The following KCNIP3 variants were observed in gnomAD, a reference collection of about 807,000 sequenced individuals.
KCNIP3 encodes calsenilin.
KCNIP3 carries 28 observed loss-of-function variants against 35.0 expected under a neutral mutation model. The ratio of observed to expected loss-of-function variants is 0.80; its 90% CI spans 0.59 to 1.10. The LOEUF is 1.10. Among genes scored for constraint, KCNIP3 ranks in the 50% least tolerant of loss-of-function variants. KCNIP3 has a pLI of 0.00. For synonymous variants in KCNIP3, 134 were observed against 133.8 expected (o/e 1.00, Z -0.01); for missense variants, 295 against 338.4 (o/e 0.87, Z 1.01).
intron 5 of KCNIP3, among the ~76,000 whole-genome samples, chr2:95,380,646 T>G (rs1184481897): frequency 6.6e-6 from 1 of 152,234 alleles, no homozygotes; most frequent in African/African-American, 2.4e-5. Context: ...AGCCATATTC[T>G]GTCATATTAG....
intron 2 of KCNIP3, chr2:95,312,776 C>T (rs977633833): frequency 6.6e-6 from 1 of 152,210 alleles, no homozygotes; most frequent in Non-Finnish European, 1.5e-5. Context: ...ACGGTGCCCA[C>T]CCTGACGAGC....
chr2:95,310,243 C>T (rs556607898), intron 1 of KCNIP3, 112 bp from the exon 2 acceptor site: 13 of 1,271,682 alleles, frequency 1.0e-5, no homozygotes, highest in Middle Eastern at 1.8e-4. Context: ...GAAGGTGAGC[C>T]CTCTGTTGTG....
In KCNIP3 at chr2:95,376,337, G is replaced by C. The variant is rs535353288; in HGVS notation, c.447+1129G>C. 4.9e-4 allele frequency among the ~76,000 whole-genome samples: 74 copies of C among 152,320 alleles called. 1 individual carries two copies. Among genetic ancestry groups the C allele is most frequent in the African/African-American group, 1.7e-3 (70 of 41,578 alleles). Reference sequence around the variant, plus strand: ...GTGTAAGGGAGCAGGCGGGGTGCGAGTGGTTTTTCTTGTTCAGGAATGAGA... The same window carrying C: ...GTGTAAGGGAGCAGGCGGGGTGCGACTGGTTTTTCTTGTTCAGGAATGAGA... On this transcript the variant is annotated intron_variant, in intron 5 of 8. Transcript: ENST00000295225. This position sits in a 1 kb window ranked among gnomAD's most constrained non-coding sequence, Gnocchi z 4.2.
At chr2:95,317,066 G>A (rs1678475462) in intron 2 of KCNIP3, among the ~76,000 whole-genome samples, 1 of 152,232 alleles carries the variant, frequency 6.6e-6, no homozygotes. Context: ...GCACAGCAGG[G>A]CTGAGGGATG....
intron 2 of KCNIP3, among the ~76,000 whole-genome samples, chr2:95,363,298 A>G (rs1185587518): frequency 6.6e-6 from 1 of 152,158 alleles, no homozygotes. Context: ...TGCATGTGGG[A>G]TATGGAAGGA....
At chr2:95,380,611 G>A (rs530002528) in intron 5 of KCNIP3, among the ~76,000 whole-genome samples, 1 of 152,344 alleles carries the variant, frequency 6.6e-6, no homozygotes, top group Admixed American at 6.5e-5. Flanking sequence ...AACAGTTGAA[G>A]TTGTCACATG....
chr2:95,353,866 G>A (rs1197650919), intron 2 of KCNIP3, among the ~76,000 whole-genome samples: 3 of 152,322 alleles, frequency 2.0e-5, no homozygotes, highest in Admixed American at 6.5e-5. Flanking sequence ...GTTTGGCAAC[G>A]TCGAGAGACA....
At chr2:95,379,305 A>G (rs1003681650) in intron 5 of KCNIP3, among the ~76,000 whole-genome samples, 2 of 152,146 alleles carry the variant, frequency 1.3e-5, no homozygotes, top group African/African-American at 4.8e-5. Context: ...TCCTTTGCCT[A>G]CGGTTAACAT....
intron 2 of KCNIP3, among the ~76,000 whole-genome samples, chr2:95,351,671 C>T (rs768899842): frequency 6.6e-6 from 1 of 152,190 alleles, no homozygotes; most frequent in African/African-American, 2.4e-5. Flanking sequence ...AATTTACTGT[C>T]GTATAGCTCT....
chr2:95,313,732 C>CA (rs1678379641), intron 2 of KCNIP3: 1 of 152,164 alleles, frequency 6.6e-6, no homozygotes. Context: ...ACAACCGAAA[C>CA]AGGGTGGGCT....
chr2:95,299,907 C>T (rs573769768), intron 1 of KCNIP3, among the ~76,000 whole-genome samples: 15 of 152,322 alleles, frequency 9.8e-5, no homozygotes, highest in East Asian at 3.9e-4. Context: ...CATTGTCTCC[C>T]GCATTATCTC....
rs1416042938 is a variant in KCNIP3, at chr2:95,385,525, CACATAAT to C, written c.*1481_*1487del. ...CGCATGGCCCCTCCAGGAACATTCCCACATAATACATTCCATCACAGCCAGCCCAGCT... is the reference window on the plus strand; with the variant it reads ...CGCATGGCCCCTCCAGGAACATTCCCACATTCCATCACAGCCAGCCCAGCT... On this transcript the variant is annotated 3_prime_UTR_variant, in exon 9 of 9. Transcript: ENST00000295225. 6.5e-6 allele frequency: 1 copy of C among 152,874 alleles called. No individual in the cohort carries two copies. The highest frequency in any genetic ancestry group is 1.5e-5 in the Non-Finnish European group (1 of 68,260). 9.5% of individuals were successfully genotyped at this position (152,874 alleles called of 1,614,324 possible).
intron 2 of KCNIP3, among the ~76,000 whole-genome samples, chr2:95,325,727 A>AGT (rs1678732059): frequency 6.6e-6 from 1 of 151,988 alleles, no homozygotes; most frequent in East Asian, 1.9e-4. Flanking sequence ...ACACTTATAC[A>AGT]CATACACACT....
At position 95,381,596 on chromosome 2, in the gene KCNIP3, G is replaced by T; in HGVS notation, c.448G>T (p.Asp150Tyr). 6.2e-7 allele frequency: 1 copy of T among 1,612,366 alleles called. No homozygotes were observed. The highest frequency in any genetic ancestry group is 8.5e-7 in the Non-Finnish European group (1 of 1,178,398). ...ADGNGAIHFE[D>Y]FVVGLSILLR... ...GCCCCACACTCTCCTTTCCCCATAG[G>T]ACTTTGTGGTTGGCCTCTCCATCCT... The change falls in exon 6 of 9, where the codon GAC becomes TAC. Residue 150 changes from aspartate (D) to tyrosine (Y), a missense_variant and splice_region_variant. Transcript: ENST00000295225.
Position 95,382,548 on chromosome 2 carries a change from C to A in KCNIP3, c.660+67C>A. ...GAGGAAGGGGCTCTCGCTTTTGGGG[C>A]CACCCCGGGCAAGTGGCTTGCCCCT... On this transcript the variant is annotated intron_variant, in intron 7 of 8. Coordinates refer to ENST00000295225, the MANE Select transcript of KCNIP3 (RefSeq NM_013434.5). The surrounding 1 kb of genome is among the most constrained non-coding windows in gnomAD (Gnocchi z 4.5). 3 of 1,198,978 alleles carry A rather than the reference C, an allele frequency of 2.5e-6. No individual in the cohort carries two copies. The highest frequency in any genetic ancestry group is 3.5e-6 in the Non-Finnish European group (3 of 848,576). 74.3% of individuals were successfully genotyped at this position (1,198,978 alleles called of 1,614,324 possible).
intron 2 of KCNIP3, among the ~76,000 whole-genome samples, chr2:95,362,605 A>T (rs1220343547): frequency 1.3e-5 from 2 of 152,222 alleles, no homozygotes. Context: ...CACCCCTCGC[A>T]TGCACAGTTC....
chr2:95,308,424 AC>A (rs1678231405), intron 1 of KCNIP3, among the ~76,000 whole-genome samples: 3 of 152,252 alleles, frequency 2.0e-5, no homozygotes, highest in Admixed American at 2.0e-4. Flanking sequence ...GGATAAGGGA[AC>A]TGGACATCTC....
At chr2:95,353,162 G>GC (rs1350093949) in intron 2 of KCNIP3, among the ~76,000 whole-genome samples, 1 of 152,212 alleles carries the variant, frequency 6.6e-6, no homozygotes, top group African/African-American at 2.4e-5. Context: ...GGAGGATTGA[G>GC]CCCTATGCAC....
chr2:95,351,245 C>T (rs544060295), intron 2 of KCNIP3, among the ~76,000 whole-genome samples: 2 of 152,376 alleles, frequency 1.3e-5, no homozygotes, highest in Admixed American at 1.3e-4. Context: ...CTGGAGCCAT[C>T]GGAAGGTCCT....
Sources: allele counts gnomAD v4.1 joint callset (sites outside exome capture counted in the v4.1 genomes callset), GRCh38; gene constraint gnomAD v4.1.1; non-coding constraint Gnocchi (gnomAD v3.1); transcripts MANE v1.5; gene names NCBI Gene and HGNC (gene_info 2026-07-23, HGNC 2026-07-21).